Variants in BCL2 observed in about 807,000 individuals in gnomAD.
BCL2 encodes the protein BCL2 apoptosis regulator.
In BCL2, 1 loss-of-function variant was observed where a neutral mutation model predicts 14.2. The ratio of observed to expected loss-of-function variants is 0.07; its 90% CI spans 0.02 to 0.33. The LOEUF (loss-of-function observed/expected upper bound fraction) is 0.33, where lower values mean the gene tolerates loss of function less well. BCL2 is among the 10% of genes least tolerant of loss of function. BCL2 has a pLI of 0.99. For synonymous variants in BCL2, 151 were observed against 137.2 expected, an observed-to-expected ratio of 1.10 and a Z score of -0.70; for missense variants, 247 against 305.9, an observed-to-expected ratio of 0.81 and a Z score of 1.44.
chr18:63,155,711 A>T (rs1188096568), intron 2 of BCL2, among the ~76,000 whole-genome samples: 1 of 152,118 alleles, frequency 6.6e-6, no homozygotes, highest in Non-Finnish European at 1.5e-5. Context: ...CAGGTGGTGG[A>T]GCGGGGAAGA....
At chr18:63,261,469 A>G (rs1160388308) in intron 2 of BCL2, among the ~76,000 whole-genome samples, 3 of 152,212 alleles carry the variant, frequency 2.0e-5, no homozygotes, top group Non-Finnish European at 4.4e-5. Context: ...CCAAAGTGAT[A>G]AAACACCAAA....
intron 2 of BCL2, among the ~76,000 whole-genome samples, chr18:63,233,400 T>G (rs1910739145): frequency 6.6e-6 from 1 of 152,196 alleles, no homozygotes; most frequent in South Asian, 2.1e-4. Context: ...TGCAAAATGA[T>G]ACTAGTTATT....
rs1299520722 is a variant in BCL2, at chr18:63,123,436, C to A, written c.*5189G>T. 5.0e-6 allele frequency: 1 copy of A among 200,204 alleles called. No homozygotes were observed. The highest frequency in any genetic ancestry group is 2.3e-5 in the African/African-American group (1 of 43,460). The allele number at this position is 200,204 out of a possible 1,614,324, so 12.4% of individuals were successfully genotyped here. On this transcript the variant is annotated 3_prime_UTR_variant, in exon 3 of 3. Coordinates refer to ENST00000333681, the MANE Select transcript of BCL2 (RefSeq NM_000633.3). ...GGCAATGTGACTTTTTCCAACAACACAAACAAAGTGCCATTATAGCTAATG... is the reference window on the plus strand; with the variant it reads ...GGCAATGTGACTTTTTCCAACAACAAAAACAAAGTGCCATTATAGCTAATG...
chr18:63,212,727 T>A (rs751071350), intron 2 of BCL2, among the ~76,000 whole-genome samples: 2 of 152,002 alleles, frequency 1.3e-5, no homozygotes, highest in Non-Finnish European at 2.9e-5. Flanking sequence ...ATATAAAAAA[T>A]TAGCCAGTCA....
chr18:63,178,850 C>A, intron 2 of BCL2, among the ~76,000 whole-genome samples: 1 of 148,636 alleles, frequency 6.7e-6, no homozygotes, highest in Admixed American at 6.7e-5. Context: ...CCAGCCATGA[C>A]CAATTTAAAG....
intron 2 of BCL2, among the ~76,000 whole-genome samples, chr18:63,216,094 T>G (rs1278320061): frequency 6.6e-6 from 1 of 152,146 alleles, no homozygotes; most frequent in Non-Finnish European, 1.5e-5. Context: ...AATAGGGCTG[T>G]GGTTTTGTTT....
chr18:63,130,030 C>T (rs747753338), intron 2 of BCL2, among the ~76,000 whole-genome samples: 7 of 152,276 alleles, frequency 4.6e-5, no homozygotes, highest in African/African-American at 7.2e-5. Flanking sequence ...CATCTCAAGT[C>T]GGGTCTGTAG....
chr18:63,162,509 C>T (rs1441272785), intron 2 of BCL2, among the ~76,000 whole-genome samples: 3 of 152,154 alleles, frequency 2.0e-5, no homozygotes, highest in Non-Finnish European at 4.4e-5. Flanking sequence ...AGCTCGGGGA[C>T]ACTACTGGTG....
chr18:63,223,357 G>A (rs941285480), intron 2 of BCL2, among the ~76,000 whole-genome samples: 29 of 150,406 alleles, frequency 1.9e-4, no homozygotes, highest in Admixed American at 7.3e-4. Flanking sequence ...CCAAGATGGC[G>A]TCACTGCACT....
intron 2 of BCL2, among the ~76,000 whole-genome samples, chr18:63,185,406 G>T (rs1915570973): frequency 6.6e-6 from 1 of 152,192 alleles, no homozygotes; most frequent in African/African-American, 2.4e-5. Flanking sequence ...GACATACAGA[G>T]ATGCTAAAAA....
Position 63,209,629 on chromosome 18 carries a change from A to G in BCL2, c.586-80870T>C, listed in dbSNP as rs374453475. Among the ~76,000 whole-genome samples the G allele has an allele frequency of 2.6e-5, 4 of 152,298 alleles. No homozygotes were observed. The East Asian group carries it at 7.7e-4, about 29-fold the overall frequency. On this transcript the variant is annotated intron_variant, in intron 2 of 2. Transcript: ENST00000333681. ...GGATTCTCCAAGGTGGCATGGACAT[A>G]CAGGATGGAAATGGGAGACGTGTCA...
In BCL2 at chr18:63,198,766, CAG is replaced by C. The variant is rs1483992359; in HGVS notation, c.586-70009_586-70008del. Reference sequence around the variant, plus strand: ...GGACACACACAGACACACACTGACACAGAGACACACAGACACAGAGACACAGA... The same window carrying C: ...GGACACACACAGACACACACTGACACAGACACACAGACACAGAGACACAGA... On this transcript the variant is annotated intron_variant, in intron 2 of 2. Transcript: ENST00000333681. 6.2e-4 allele frequency among the ~76,000 whole-genome samples: 91 copies of C among 145,806 alleles called. 1 individual carries two copies. Among genetic ancestry groups the C allele is most frequent in the African/African-American group, 2.2e-3 (88 of 39,204 alleles).
At chr18:63,146,337 G>A (rs1914511248) in intron 2 of BCL2, among the ~76,000 whole-genome samples, 1 of 152,364 alleles carries the variant, frequency 6.6e-6, no homozygotes, top group Non-Finnish European at 1.5e-5. Context: ...CCCGCCTCCT[G>A]GCAGAAGGAC....
At chr18:63,162,406 T>C (rs1385125838) in intron 2 of BCL2, among the ~76,000 whole-genome samples, 1 of 152,196 alleles carries the variant, frequency 6.6e-6, no homozygotes, top group African/African-American at 2.4e-5. Context: ...TGGGATCTGC[T>C]GTGGTTTGTC....
Position 63,229,989 on chromosome 18 carries a change from A to T in BCL2, c.585+88093T>A, listed in dbSNP as rs544115046. 4.1e-4 allele frequency among the ~76,000 whole-genome samples: 63 copies of T among 151,976 alleles called. 1 individual carries two copies. Among genetic ancestry groups the T allele is most frequent in the Middle Eastern group, 6.8e-3 (2 of 294 alleles). Reference sequence around the variant, plus strand: ...AATTGACAGCTCAAGTTTTTTTTTTAAAAAAGGGAAAAGATTTAATATTGA... The same window carrying T: ...AATTGACAGCTCAAGTTTTTTTTTTTAAAAAGGGAAAAGATTTAATATTGA... On this transcript the variant is annotated intron_variant, in intron 2 of 2. Coordinates refer to ENST00000333681, the MANE Select transcript of BCL2 (RefSeq NM_000633.3).
In BCL2 at chr18:63,292,948, G is replaced by A. The variant is rs989865652; in HGVS notation, c.585+25134C>T. Among the ~76,000 whole-genome samples the A allele has an allele frequency of 8.5e-5, 13 of 152,218 alleles. No homozygotes were observed. The East Asian group carries it at 1.7e-3, about 20-fold the overall frequency. The stretch of plus-strand genomic sequence containing the variant: ...GCAGGTGATGAGTAATAATAGCGAC[G>A]GCTCTCATGTCACAACCTGGTGGCC... On this transcript the variant is annotated intron_variant, in intron 2 of 2. Transcript: ENST00000333681.
chr18:63,267,995 C>T (rs1911884725), intron 2 of BCL2, among the ~76,000 whole-genome samples: 3 of 152,212 alleles, frequency 2.0e-5, no homozygotes, highest in South Asian at 2.1e-4. Context: ...TCTGATCAGT[C>T]CCAGCTAATC....
chr18:63,218,628 C>T (rs999270194), intron 2 of BCL2, among the ~76,000 whole-genome samples: 2 of 616 alleles, frequency 3.2e-3, no homozygotes, highest in African/African-American at 5.6e-3. Context: ...CTCCACTCAT[C>T]CCATCCACTC....
At chr18:63,295,420 G>A (rs76925950) in intron 2 of BCL2, among the ~76,000 whole-genome samples, 1 of 152,130 alleles carries the variant, frequency 6.6e-6, no homozygotes, top group Admixed American at 6.5e-5. Flanking sequence ...TCAGACAGCA[G>A]AAAGAGCAGC....
Sources: allele counts gnomAD v4.1 joint callset (sites outside exome capture counted in the v4.1 genomes callset), GRCh38; gene constraint gnomAD v4.1.1; transcripts MANE v1.5; gene names NCBI Gene and HGNC (gene_info 2026-07-23, HGNC 2026-07-21).